AGBL4: variants seen among roughly 807,000 people sequenced by gnomAD.
AGBL4 encodes AGBL carboxypeptidase 4.
Under a neutral mutation model 66.4 loss-of-function variants are expected in AGBL4, and 58 were observed. The ratio of observed to expected loss-of-function variants is 0.87; its 90% confidence interval spans 0.71 to 1.09. The LOEUF (loss-of-function observed/expected upper bound fraction) is 1.09. Ranked by LOEUF, AGBL4 falls within the 50% of genes least tolerant of loss-of-function variation. The pLI is 0.00. For synonymous variants in AGBL4, 234 were observed against 222.9 expected (o/e 1.05, Z -0.44); for missense variants, 579 against 631.0 (o/e 0.92, Z 0.88).
intron 3 of AGBL4, among the ~76,000 whole-genome samples, chr1:49,646,663 A>G (rs930954130): frequency 1.2e-4 from 19 of 152,040 alleles, no homozygotes; most frequent in African/African-American, 4.6e-4. Flanking sequence ...GGTTTTTTAT[A>G]GAAATATATG....
At chr1:49,795,916 G>C (rs1644718702) in intron 2 of AGBL4, among the ~76,000 whole-genome samples, 1 of 151,704 alleles carries the variant, frequency 6.6e-6, no homozygotes, top group Admixed American at 6.6e-5. Flanking sequence ...TGAGAGAAAA[G>C]ATACAATGAA....
At chr1:49,803,770 A>G (rs1002701014) in intron 2 of AGBL4, among the ~76,000 whole-genome samples, 5 of 152,230 alleles carry the variant, frequency 3.3e-5, no homozygotes, top group African/African-American at 1.2e-4. Context: ...CATTGCCATC[A>G]GTATCATAAT....
chr1:49,639,229 C>T (rs1007868919), intron 3 of AGBL4, among the ~76,000 whole-genome samples: 2 of 152,054 alleles, frequency 1.3e-5, no homozygotes, highest in African/African-American at 2.4e-5. Flanking sequence ...GTGAAGCAGT[C>T]GTGGTAATCC....
chr1:49,892,429 C>A (rs77357960), intron 1 of AGBL4, among the ~76,000 whole-genome samples: 8,104 of 152,244 alleles, frequency 0.053, 237 homozygotes, highest in African/African-American at 0.071. Context: ...ATTCCTTCTA[C>A]TTAGTGTGCT....
intron 5 of AGBL4, among the ~76,000 whole-genome samples, chr1:48,914,482 A>G (rs1034094133): frequency 6.6e-5 from 10 of 152,224 alleles, no homozygotes; most frequent in Admixed American, 1.3e-4. Context: ...TTTGTGAAAG[A>G]AAAGTCAGCA....
chr1:49,211,317 A>G (rs1490431999), intron 4 of AGBL4, among the ~76,000 whole-genome samples: 8 of 152,124 alleles, frequency 5.3e-5, no homozygotes, highest in Non-Finnish European at 8.8e-5. Flanking sequence ...CCACAATTTC[A>G]GAATTTTTAG....
At chr1:48,895,477 G>A (rs2148861988) in intron 5 of AGBL4, among the ~76,000 whole-genome samples, 1 of 152,352 alleles carries the variant, frequency 6.6e-6, no homozygotes, top group East Asian at 1.9e-4. Context: ...TGCAAATGCT[G>A]GGAAACATCC....
At chr1:49,684,659 C>T (rs1646755339) in intron 3 of AGBL4, among the ~76,000 whole-genome samples, 1 of 152,134 alleles carries the variant, frequency 6.6e-6, no homozygotes, top group East Asian at 1.9e-4. Context: ...AATGCAAAGA[C>T]ATGCTTTGCT....
At chr1:48,793,902 G>C (rs934859737) in intron 6 of AGBL4, among the ~76,000 whole-genome samples, 1 of 152,166 alleles carries the variant, frequency 6.6e-6, no homozygotes, top group Admixed American at 6.5e-5. Flanking sequence ...CATCGACCCT[G>C]GTGGTCAAGA....
At chr1:49,794,175 G>T (rs547130982) in intron 2 of AGBL4, among the ~76,000 whole-genome samples, 27 of 152,022 alleles carry the variant, frequency 1.8e-4, no homozygotes, top group African/African-American at 6.5e-4. Context: ...CAGGCACTCT[G>T]CAAGTTGAAG....
At chr1:48,632,963 ACAGTGGGGTTTCAAAT>A (rs1429134246) in intron 9 of AGBL4, among the ~76,000 whole-genome samples, 1 of 152,220 alleles carries the variant, frequency 6.6e-6, no homozygotes, top group Non-Finnish European at 1.5e-5. Context: ...CTAGGAGAAG[ACAGTGGGGTTTCAAAT>A]CTTAGAGAAA....
At chr1:49,934,150 T>G (rs1430461114) in intron 1 of AGBL4, among the ~76,000 whole-genome samples, 2 of 152,106 alleles carry the variant, frequency 1.3e-5, no homozygotes, top group African/African-American at 4.8e-5. Context: ...ATGAGAGCTA[T>G]TAAATATAGA....
chr1:49,637,037 G>A (rs954837152), intron 3 of AGBL4, among the ~76,000 whole-genome samples: 1 of 152,092 alleles, frequency 6.6e-6, no homozygotes, highest in African/African-American at 2.4e-5. Flanking sequence ...AGACTAGACT[G>A]GCCTAGCCTC....
In AGBL4 at chr1:49,143,842, T is replaced by C. The variant is rs983857275; in HGVS notation, c.378-98042A>G. Among the ~76,000 whole-genome samples the C allele has an allele frequency of 4.6e-5, 7 of 152,200 alleles. 1 individual carries two copies. The highest frequency in any genetic ancestry group is 3.3e-4 in the Admixed American group (5 of 15,272). ...TTGAGGAACAGCCCTAACATATCAT[T>C]TTCCCAGCAGTGACTCTCACCATTT... is the stretch of plus-strand genomic sequence containing the variant. On this transcript the variant is annotated intron_variant, in intron 4 of 13. Coordinates refer to ENST00000371839, the MANE Select transcript of AGBL4 (RefSeq NM_032785.4).
intron 3 of AGBL4, among the ~76,000 whole-genome samples, chr1:49,528,153 A>T (rs1558023566): frequency 6.6e-6 from 1 of 152,078 alleles, no homozygotes; most frequent in Non-Finnish European, 1.5e-5. Context: ...AGATAAAGAG[A>T]ACTGCACGGT....
At chr1:49,618,028 T>C (rs1334429474) in intron 3 of AGBL4, among the ~76,000 whole-genome samples, 1 of 152,102 alleles carries the variant, frequency 6.6e-6, no homozygotes, top group Admixed American at 6.6e-5. Flanking sequence ...CGACACGCCC[T>C]GGTGTGTGAT....
intron 8 of AGBL4, among the ~76,000 whole-genome samples, chr1:48,652,701 G>T (rs1570139256): frequency 6.6e-6 from 1 of 152,166 alleles, no homozygotes; most frequent in African/African-American, 2.4e-5. Context: ...TATCTCAAAT[G>T]AGTCGGTGTT....
intron 6 of AGBL4, among the ~76,000 whole-genome samples, chr1:48,718,781 T>A (rs1227212015): frequency 6.6e-6 from 1 of 152,122 alleles, no homozygotes; most frequent in East Asian, 1.9e-4. Context: ...TGAGCCTGTA[T>A]AACTGAGGCT....
chr1:49,203,663 G>A (rs1647899518), intron 4 of AGBL4, among the ~76,000 whole-genome samples: 1 of 152,166 alleles, frequency 6.6e-6, no homozygotes, highest in African/African-American at 2.4e-5. Context: ...AGTTGGCTGG[G>A]CATGGTGGCC....
Sources: gnomAD v4.1 joint callset for allele counts (sites outside exome capture counted in the v4.1 genomes callset) on GRCh38, gnomAD v4.1.1 for gene constraint, MANE v1.5 for transcripts, NCBI Gene and HGNC (gene_info 2026-07-23, HGNC 2026-07-21) for gene names.